The following SERPINB10 variants were observed in gnomAD, a reference collection of about 807,000 sequenced individuals.
The protein encoded by SERPINB10 is serpin B10.
SERPINB10 carries 35 observed loss-of-function variants against 39.1 expected under a neutral mutation model. That is an observed-to-expected ratio of 0.90 (90% CI 0.68 to 1.19). The LOEUF (loss-of-function observed/expected upper bound fraction) is 1.19, where lower values mean the gene tolerates loss of function less well. Ranked by LOEUF, SERPINB10 falls within the 50% of genes most tolerant of loss-of-function variation. The pLI is 0.00. For missense variants in SERPINB10, 546 were observed against 460.5 expected, an observed-to-expected ratio of 1.19 and a Z score of -1.70; for synonymous variants, 190 against 158.1, an observed-to-expected ratio of 1.20 and a Z score of -1.52.
At chr18:63,914,673 T>C (rs60850797) in intron 1 of SERPINB10, among the ~76,000 whole-genome samples, 14,291 of 152,018 alleles carry the variant, frequency 0.094, 1,549 homozygotes, top group African/African-American at 0.24. Context: ...TCATCAATAA[T>C]GTCTGCAGTT....
intron 5 of SERPINB10, 143 bp downstream of exon 5, chr18:63,920,048 C>A (rs1477395168): frequency 6.4e-6 from 3 of 468,538 alleles, no homozygotes; most frequent in East Asian, 7.8e-5. Flanking sequence ...TATTTCTATT[C>A]ATGTACGTAA....
At chr18:63,927,898 G>A (rs1042594313) in intron 5 of SERPINB10, among the ~76,000 whole-genome samples, 22 of 151,948 alleles carry the variant, frequency 1.4e-4, no homozygotes, top group African/African-American at 5.3e-4. Flanking sequence ...ATGCCAGCTT[G>A]ATAAAAGTAA....
At chr18:63,918,528 A>T (rs2050121863) in intron 4 of SERPINB10, among the ~76,000 whole-genome samples, 1 of 152,010 alleles carries the variant, frequency 6.6e-6, no homozygotes, top group African/African-American at 2.4e-5. Context: ...GCAGACCATG[A>T]TGACTCTGTC....
chr18:63,926,475 G>A (rs1399468956), intron 5 of SERPINB10, among the ~76,000 whole-genome samples: 1 of 152,000 alleles, frequency 6.6e-6, no homozygotes, highest in Non-Finnish European at 1.5e-5. Flanking sequence ...CTACGGGTTA[G>A]AAGTGGGACA....
In SERPINB10 at chr18:63,930,061, C is replaced by A; in HGVS notation, c.507C>A (p.Leu169=). 1 of 1,613,314 alleles carries A rather than the reference C, an allele frequency of 6.2e-7. No individual in the cohort carries two copies. Among genetic ancestry groups the A allele is most frequent in the Non-Finnish European group, 8.5e-7 (1 of 1,179,574 alleles). ...ERQTEGKIQN[L]LPDDSVDSTT... ...TTCTTACAGGTAAAATCCAGAATCT[C>A]CTGCCTGATGACTCTGTGGATTCCA... The change falls in exon 6 of 8, where the codon CTC becomes CTA. Residue 169 remains leucine, a synonymous_variant. Coordinates refer to ENST00000238508, the MANE Select transcript of SERPINB10 (RefSeq NM_005024.3).
intron 5 of SERPINB10, among the ~76,000 whole-genome samples, chr18:63,923,341 C>T (rs545598565): frequency 6.6e-6 from 1 of 152,034 alleles, no homozygotes; most frequent in Non-Finnish European, 1.5e-5. Flanking sequence ...TAGACTTTGT[C>T]GAGGCAGAGT....
rs750547139 is a variant in SERPINB10 at position 63,933,038 on chromosome 18, T to G, written c.634-10T>G. ...TGTTACCTGTTTTTTTGTTTTTTTG[T>G]TTTTTTTAGACTACAAGCAAACCAG... On this transcript the variant is annotated splice_polypyrimidine_tract_variant and intron_variant, in intron 6 of 7. Transcript: ENST00000238508. 35 of 1,597,230 alleles carry G rather than the reference T, an allele frequency of 2.2e-5. No individual in the cohort carries two copies. The highest frequency in any genetic ancestry group is 2.8e-5 in the Non-Finnish European group (33 of 1,173,008).
intron 1 of SERPINB10, among the ~76,000 whole-genome samples, chr18:63,912,569 G>A (rs538070659): frequency 1.3e-5 from 2 of 151,172 alleles, no homozygotes; most frequent in South Asian, 4.2e-4. Flanking sequence ...TAATTGTGTG[G>A]TAAATCACAT....
chr18:63,929,591 G>C (rs2050204739), intron 5 of SERPINB10, among the ~76,000 whole-genome samples: 1 of 151,468 alleles, frequency 6.6e-6, no homozygotes, highest in African/African-American at 2.4e-5. Context: ...TTGAAGTAGA[G>C]AAGTAACTTC....
At position 63,930,110 on chromosome 18, in the gene SERPINB10, G is replaced by C. The variant is rs61733368; in HGVS notation, c.556G>C (p.Ala186Pro). ...DSTTRMILVN[A>P]LYFKGIWEHQ... is the part of the protein sequence containing the mutation. ...CACAACCAGGATGATTCTGGTGAAC[G>C]CCCTATACTTTAAAGGAATCTGGGA... Residue 186 changes from alanine (A) to proline (P), a missense_variant, in exon 6 of 8, where the codon GCC becomes CCC. Coordinates refer to ENST00000238508, the MANE Select transcript of SERPINB10 (RefSeq NM_005024.3). The C allele has an allele frequency of 6.2e-7, 1 of 1,613,504 alleles. No homozygotes were observed.
intron 5 of SERPINB10, among the ~76,000 whole-genome samples, chr18:63,926,201 T>C (rs904759343): frequency 2.0e-5 from 3 of 152,014 alleles, no homozygotes; most frequent in Non-Finnish European, 2.9e-5. Flanking sequence ...TTGTTGACAA[T>C]CCTTGGCACT....
intron 5 of SERPINB10, among the ~76,000 whole-genome samples, chr18:63,922,100 C>T (rs923483331): frequency 7.2e-5 from 11 of 151,936 alleles, no homozygotes; most frequent in South Asian, 2.1e-4. Context: ...ACTCTATGTG[C>T]GATAACTCTG....
intron 1 of SERPINB10, among the ~76,000 whole-genome samples, chr18:63,909,452 A>C (rs2050048397): frequency 6.6e-6 from 1 of 152,074 alleles, no homozygotes; most frequent in African/African-American, 2.4e-5. Flanking sequence ...TCTTTAAAAA[A>C]AGAAAATAAA....
At position 63,917,993 on chromosome 18, in the gene SERPINB10, T is replaced by C. The variant is rs779851243; in HGVS notation, c.263T>C (p.Ile88Thr). 10 of 1,611,974 alleles carry C rather than the reference T, an allele frequency of 6.2e-6. No homozygotes were observed. Among genetic ancestry groups the C allele is most frequent in the Admixed American group, 1.7e-5 (1 of 59,796 alleles). The change falls in exon 4 of 8, where the codon ATA becomes ACA. Residue 88 changes from isoleucine to threonine, a missense_variant. Transcript: ENST00000238508. ...MEFNLSNSEEIHSDFQTLISE... is the reference protein window; with the variant it reads ...MEFNLSNSEETHSDFQTLISE... ...TTCAACTTGAGCAACTCGGAAGAAATACACTCTGATTTCCAAACACTTATC... is the reference window on the plus strand; with the variant it reads ...TTCAACTTGAGCAACTCGGAAGAAACACACTCTGATTTCCAAACACTTATC...
rs1318869901 is a variant in SERPINB10, at chr18:63,916,983, C to A, written c.169-473C>A. Among the ~76,000 whole-genome samples, 3 of 151,982 alleles carry A rather than the reference C, an allele frequency of 2.0e-5. No homozygotes were observed. In the East Asian group the frequency reaches 5.8e-4, roughly 30 times the overall value. On this transcript the variant is annotated intron_variant, in intron 2 of 7. Coordinates refer to ENST00000238508, the MANE Select transcript of SERPINB10 (RefSeq NM_005024.3). ...CTTTCCAGTGAAATGCTGGGGTAAA[C>A]ACAAACATTGCGCCTAAATATGTCA...
At chr18:63,923,294 G>C (rs2162348) in intron 5 of SERPINB10, among the ~76,000 whole-genome samples, 16,977 of 151,964 alleles carry the variant, frequency 0.11, 2,212 homozygotes, top group African/African-American at 0.31. Context: ...CATTCAACAT[G>C]AAATAAAATA....
intron 1 of SERPINB10, among the ~76,000 whole-genome samples, chr18:63,915,042 A>C (rs1028986069): frequency 6.6e-6 from 1 of 152,094 alleles, no homozygotes; most frequent in Non-Finnish European, 1.5e-5. Flanking sequence ...TGAATATCGT[A>C]AATGAGTAAT....
At chr18:63,911,688 T>C (rs1447498892) in intron 1 of SERPINB10, among the ~76,000 whole-genome samples, 2 of 152,080 alleles carry the variant, frequency 1.3e-5, no homozygotes, top group Non-Finnish European at 2.9e-5. Context: ...AGGCTTATAG[T>C]GTAGTTTGAA....
At chr18:63,917,405 T>C in intron 2 of SERPINB10, 51 bp from the exon 3 acceptor site, 2 of 1,066,738 alleles carry the variant, frequency 1.9e-6, no homozygotes, top group Non-Finnish European at 2.7e-6. Flanking sequence ...GTATGATTTA[T>C]ATAATTACTT....
Sources: gnomAD v4.1 joint callset for allele counts (sites outside exome capture counted in the v4.1 genomes callset) on GRCh38, gnomAD v4.1.1 for gene constraint, MANE v1.5 for transcripts, NCBI Gene and HGNC (gene_info 2026-07-23, HGNC 2026-07-21) for gene names.